Variants in ZNF831 observed in about 807,000 individuals in gnomAD.
ZNF831 encodes zinc finger protein 831.
In ZNF831, 59 loss-of-function variants were observed where a neutral mutation model predicts 95.8. That is an observed-to-expected ratio of 0.62 (90% CI 0.50 to 0.77). ZNF831 has a LOEUF of 0.77. Ranked by LOEUF, ZNF831 falls within the 30% of genes least tolerant of loss-of-function variation. ZNF831 has a pLI of 0.00. For synonymous variants in ZNF831, 961 were observed against 925.5 expected (o/e 1.04, Z -0.70); for missense variants, 2,205 against 2,164.0 (o/e 1.02, Z -0.38).
intron 1 of ZNF831, among the ~76,000 whole-genome samples, chr20:59,179,355 A>G (rs1454796763): frequency 6.6e-6 from 1 of 152,090 alleles, no homozygotes; most frequent in Non-Finnish European, 1.5e-5. Context: ...GCTTCTCACT[A>G]CAGTCCAGCG....
At chr20:59,134,076 G>C (rs1979431676) in intron 1 of ZNF831, among the ~76,000 whole-genome samples, 1 of 152,236 alleles carries the variant, frequency 6.6e-6, no homozygotes, top group African/African-American at 2.4e-5. Context: ...TTCTGGGTCA[G>C]CTTCCTGCTG....
intron 4 of ZNF831, among the ~76,000 whole-genome samples, chr20:59,227,039 G>T (rs1334478410): frequency 6.6e-6 from 1 of 152,160 alleles, no homozygotes; most frequent in Admixed American, 6.5e-5. Flanking sequence ...GTCTTTAAGA[G>T]ACTTGTTTAC....
chr20:59,197,161 C>T (rs1984182622), intron 3 of ZNF831, among the ~76,000 whole-genome samples: 1 of 152,086 alleles, frequency 6.6e-6, no homozygotes, highest in Admixed American at 6.5e-5. Flanking sequence ...CTGCTCAGAC[C>T]CTCAGTGGCT....
intron 4 of ZNF831, among the ~76,000 whole-genome samples, chr20:59,238,294 A>G (rs1490141401): frequency 6.6e-6 from 1 of 152,152 alleles, no homozygotes; most frequent in Non-Finnish European, 1.5e-5. Flanking sequence ...TTTTTCAAAC[A>G]CTAAACTGGT....
chr20:59,193,000 C>T lies in ZNF831; in HGVS notation c.1981C>T (p.Gln661Ter), dbSNP rs1241937942. The change falls in exon 2 of 6, where the codon CAG becomes TAG. Residue 661 changes from glutamine to a stop codon, truncating the protein, a stop_gained. Transcript: ENST00000371030. LOFTEE classifies it high-confidence loss of function. The surrounding 1 kb of genome is among the most constrained non-coding windows in gnomAD (Gnocchi z 5.2). ...GSGAELGFPL[Q>*]KEAAGSSGTV... ...TGGGGCAGAACTGGGCTTTCCTCTG[C>T]AGAAAGAGGCAGCAGGGAGCTCAGG... 6.3e-7 allele frequency: 1 copy of T among 1,575,664 alleles called. No individual in the cohort carries two copies. Among genetic ancestry groups the T allele is most frequent in the African/African-American group, 1.4e-5 (1 of 74,004 alleles).
At chr20:59,235,517 G>T (rs1986952164) in intron 4 of ZNF831, among the ~76,000 whole-genome samples, 1 of 152,142 alleles carries the variant, frequency 6.6e-6, no homozygotes, top group African/African-American at 2.4e-5. Flanking sequence ...TATCAGAGCT[G>T]CTGTGTGAGA....
At chr20:59,161,134 G>A (rs931155773), upstream of ZNF831, among the ~76,000 whole-genome samples, 1 of 152,124 alleles carries the variant, frequency 6.6e-6, no homozygotes, top group Admixed American at 6.5e-5. Context: ...CACATACCAT[G>A]CAATTCACCC....
chr20:59,142,423 T>G (rs1401868553), intron 1 of ZNF831, among the ~76,000 whole-genome samples: 1 of 152,230 alleles, frequency 6.6e-6, no homozygotes, highest in Non-Finnish European at 1.5e-5. Flanking sequence ...GTGAAAGGCC[T>G]GAATCTGGTT....
intron 4 of ZNF831, among the ~76,000 whole-genome samples, chr20:59,227,291 G>T (rs1178960995): frequency 1.3e-5 from 2 of 152,152 alleles, no homozygotes; most frequent in Non-Finnish European, 1.5e-5. Flanking sequence ...GCCTTTGTAT[G>T]AATTTGATTT....
rs1474412134 is a variant in ZNF831 at position 59,217,768 on chromosome 20, C to T, written c.4027+10712C>T. ...AAGAACATGGAGGGACGATAAGACT[C>T]GTTTATTTATTTATTTATTTTTTTA... On this transcript the variant is annotated intron_variant, in intron 4 of 5. Transcript: ENST00000371030. This position sits in a 1 kb window ranked among gnomAD's most constrained non-coding sequence, Gnocchi z 4.4. Among the ~76,000 whole-genome samples the T allele has an allele frequency of 2.0e-5, 3 of 152,182 alleles. No individual in the cohort carries two copies. Among genetic ancestry groups the T allele is most frequent in the East Asian group, 3.9e-4 (2 of 5,182 alleles).
chr20:59,170,469 A>G (rs1191481250), intron 1 of ZNF831, among the ~76,000 whole-genome samples: 2 of 152,206 alleles, frequency 1.3e-5, no homozygotes, highest in East Asian at 3.8e-4. Flanking sequence ...GTTGATTCAT[A>G]GTTTGATTCC....
At chr20:59,240,487 ATTGATTTGG>A (rs1300689945) in intron 4 of ZNF831, among the ~76,000 whole-genome samples, 1 of 152,102 alleles carries the variant, frequency 6.6e-6, no homozygotes, top group Non-Finnish European at 1.5e-5. Context: ...AGATTTACTG[ATTGATTTGG>A]TTGGTTTGAA....
upstream of ZNF831, among the ~76,000 whole-genome samples, chr20:59,162,529 C>A (rs912249484): frequency 6.6e-6 from 1 of 152,214 alleles, no homozygotes; most frequent in Non-Finnish European, 1.5e-5. Flanking sequence ...GTTTCCCCAG[C>A]ACCATTTATT....
intron 4 of ZNF831, among the ~76,000 whole-genome samples, chr20:59,232,997 C>G (rs1295356300): frequency 9.6e-5 from 4 of 41,544 alleles, no homozygotes; most frequent in Non-Finnish European, 1.5e-4. Flanking sequence ...CCCTGAGGCA[C>G]ACACACACAC....
intron 4 of ZNF831, among the ~76,000 whole-genome samples, chr20:59,231,730 T>A (rs1220137859): frequency 6.6e-6 from 1 of 152,184 alleles, no homozygotes; most frequent in African/African-American, 2.4e-5. Context: ...CTCCCCACTG[T>A]CCGCCCCTTG....
At chr20:59,150,871 G>A (rs898246508) in intron 2 of ZNF831, among the ~76,000 whole-genome samples, 2 of 152,196 alleles carry the variant, frequency 1.3e-5, no homozygotes, top group African/African-American at 4.8e-5. Flanking sequence ...GCTGGCTGTG[G>A]GCGGGCGGGC....
At chr20:59,212,857 C>T (rs1167928754) in intron 4 of ZNF831, among the ~76,000 whole-genome samples, 3 of 152,308 alleles carry the variant, frequency 2.0e-5, no homozygotes, top group South Asian at 2.1e-4. Context: ...CATCCATGCC[C>T]TTCAGATTAA....
chr20:59,189,126 A>T (rs1373261232), intron 1 of ZNF831, among the ~76,000 whole-genome samples: 1 of 152,130 alleles, frequency 6.6e-6, no homozygotes, highest in Non-Finnish European at 1.5e-5. Flanking sequence ...GGTTGCAGTG[A>T]GCTGAGATCG....
At chr20:59,170,361 T>G (rs1981629258) in intron 1 of ZNF831, among the ~76,000 whole-genome samples, 1 of 152,232 alleles carries the variant, frequency 6.6e-6, no homozygotes, top group Non-Finnish European at 1.5e-5. Context: ...GTGTATTTTT[T>G]GATTACCCTG....
Sources: gnomAD v4.1 joint callset for allele counts (sites outside exome capture counted in the v4.1 genomes callset) on GRCh38, gnomAD v4.1.1 for gene constraint, Gnocchi (gnomAD v3.1) non-coding constraint, MANE v1.5 for transcripts, NCBI Gene and HGNC (gene_info 2026-07-23, HGNC 2026-07-21) for gene names.